GPR158: variants seen among roughly 807,000 people sequenced by gnomAD.
GPR158 encodes G protein-coupled receptor 158.
A neutral mutation model predicts 78.2 loss-of-function variants in GPR158; 30 were observed. The ratio of observed to expected loss-of-function variants is 0.38; its 90% confidence interval spans 0.29 to 0.52. The LOEUF (loss-of-function observed/expected upper bound fraction) is 0.52, where lower values mean the gene tolerates loss of function less well. GPR158 is among the 20% of genes least tolerant of loss of function. GPR158 has a pLI of 0.83. For synonymous variants in GPR158, 581 were observed against 591.1 expected (o/e 0.98, Z 0.25); for missense variants, 1,463 against 1,523.5 (o/e 0.96, Z 0.66).
Position 25,529,704 on chromosome 10 carries a change from G to T in GPR158, c.1405-21272G>T, listed in dbSNP as rs540346678. On this transcript the variant is annotated intron_variant, in intron 5 of 10. Transcript: ENST00000376351. ...ACTTAGATGTGAAGATTGAGATGGG[G>T]TTAAAGGAAACAGGAATACTATGCC... Among the ~76,000 whole-genome samples the T allele has an allele frequency of 3.9e-5, 6 of 152,310 alleles. No individual in the cohort carries two copies. The East Asian group carries it at 5.8e-4, about 15-fold the overall frequency.
intron 4 of GPR158, among the ~76,000 whole-genome samples, chr10:25,433,392 TTAAG>T (rs768602357): frequency 6.6e-6 from 1 of 152,138 alleles, no homozygotes; most frequent in Non-Finnish European, 1.5e-5. Context: ...ACTGAATAAA[TTAAG>T]TTCTTCCATA....
At chr10:25,285,233 C>T (rs1409698757) in intron 2 of GPR158, among the ~76,000 whole-genome samples, 2 of 151,896 alleles carry the variant, frequency 1.3e-5, no homozygotes, top group African/African-American at 4.9e-5. Flanking sequence ...AGATACATAT[C>T]TCTTTCCCCC....
chr10:25,404,915 G>C (rs12764320), intron 3 of GPR158, among the ~76,000 whole-genome samples: 14,726 of 151,948 alleles, frequency 0.097, 765 homozygotes, highest in East Asian at 0.17. Flanking sequence ...TGGCACAAAG[G>C]AAGTACACTG....
intron 2 of GPR158, among the ~76,000 whole-genome samples, chr10:25,233,282 A>T (rs1283393931): frequency 6.6e-6 from 1 of 152,218 alleles, no homozygotes; most frequent in African/African-American, 2.4e-5. Context: ...ATCTGTAATG[A>T]AGTGAAGCCA....
At chr10:25,279,932 G>A (rs1564409377) in intron 2 of GPR158, among the ~76,000 whole-genome samples, 1 of 149,676 alleles carries the variant, frequency 6.7e-6, no homozygotes, top group African/African-American at 2.5e-5. Flanking sequence ...TTAGACTTTT[G>A]TGCCTGGCAA....
At chr10:25,502,650 C>T (rs910392112) in intron 5 of GPR158, among the ~76,000 whole-genome samples, 3 of 152,134 alleles carry the variant, frequency 2.0e-5, no homozygotes, top group African/African-American at 7.2e-5. Flanking sequence ...CAGTGAGTTG[C>T]TAATTCCCAA....
chr10:25,375,467 T>TTA (rs367955397), intron 2 of GPR158, among the ~76,000 whole-genome samples: 99,738 of 151,060 alleles, frequency 0.66, 33,982 homozygotes, highest in Non-Finnish European at 0.75. Context: ...TGTTTTTCTC[T>TTA]TTTTTTTCTA....
intron 5 of GPR158, among the ~76,000 whole-genome samples, chr10:25,538,413 CAG>C (rs1409016881): frequency 2.0e-5 from 3 of 152,074 alleles, no homozygotes; most frequent in Non-Finnish European, 2.9e-5. Flanking sequence ...GGGTAATAAA[CAG>C]GGGACAAGTG....
At position 25,594,415 on chromosome 10, in the gene GPR158, C is replaced by T. The variant is rs766004669; in HGVS notation, c.1998+18C>T. 4 of 1,055,020 alleles carry T rather than the reference C, an allele frequency of 3.8e-6. No homozygotes were observed. The highest frequency in any genetic ancestry group is 1.6e-5 in the South Asian group (1 of 63,780). 65.4% of individuals were successfully genotyped at this position (1,055,020 alleles called of 1,614,324 possible). On this transcript the variant is annotated intron_variant, in intron 9 of 10. Coordinates refer to ENST00000376351, the MANE Select transcript of GPR158 (RefSeq NM_020752.3). ...TTCCAAAGGTATTCTTCTAATATTA[C>T]TTTTTTTTTTGCAAAACTTATTTTT... is the stretch of plus-strand genomic sequence containing the variant.
chr10:25,280,151 T>C (rs777434588), intron 2 of GPR158, among the ~76,000 whole-genome samples: 3 of 151,830 alleles, frequency 2.0e-5, no homozygotes, highest in Non-Finnish European at 4.4e-5. Context: ...ACGGTAAAAA[T>C]GAAGTTGCTT....
intron 1 of GPR158, among the ~76,000 whole-genome samples, chr10:25,193,952 T>G (rs1368554266): frequency 6.6e-6 from 1 of 152,194 alleles, no homozygotes; most frequent in Non-Finnish European, 1.5e-5. Context: ...TTCTTGCTCT[T>G]AGGCTTAAGC....
intron 4 of GPR158, among the ~76,000 whole-genome samples, chr10:25,426,953 T>C (rs1834832857): frequency 6.7e-6 from 1 of 148,634 alleles, no homozygotes; most frequent in Admixed American, 6.8e-5. Context: ...TGCAAAGTCC[T>C]CTAGATTATT....
At chr10:25,212,875 CCG>C (rs1229946287) in intron 1 of GPR158, among the ~76,000 whole-genome samples, 1 of 152,092 alleles carries the variant, frequency 6.6e-6, no homozygotes, top group Non-Finnish European at 1.5e-5. Context: ...TGTGATCCAC[CCG>C]CCTTGGCCTC....
intron 4 of GPR158, 67 bp from the exon 5 acceptor site, chr10:25,466,584 C>A: frequency 2.0e-6 from 2 of 997,524 alleles, no homozygotes; most frequent in South Asian, 1.4e-5. Flanking sequence ...GGCATTTTCA[C>A]AATAGCGTGA....
chr10:25,587,692 A>G (rs1837289414), intron 7 of GPR158, among the ~76,000 whole-genome samples: 1 of 152,204 alleles, frequency 6.6e-6, no homozygotes, highest in Non-Finnish European at 1.5e-5. Flanking sequence ...GACCTACACT[A>G]GATCTCATGG....
intron 5 of GPR158, among the ~76,000 whole-genome samples, chr10:25,543,130 T>A (rs10082450): frequency 0.54 from 81,947 of 151,500 alleles, 24,141 homozygotes; most frequent in African/African-American, 0.78. Context: ...ATTTTTATTT[T>A]TATTTTTTGA....
At chr10:25,416,513 G>C (rs969589106) in intron 4 of GPR158, among the ~76,000 whole-genome samples, 3 of 152,094 alleles carry the variant, frequency 2.0e-5, no homozygotes, top group African/African-American at 7.2e-5. Flanking sequence ...AAATGAGAAA[G>C]TTATGGAAAC....
chr10:25,188,344 T>C (rs565811803), intron 1 of GPR158, among the ~76,000 whole-genome samples: 93 of 152,170 alleles, frequency 6.1e-4, no homozygotes, highest in African/African-American at 2.2e-3. Context: ...TAAGCCAAAA[T>C]AGCAAAGCTG....
chr10:25,192,729 G>T (rs1852789411), intron 1 of GPR158, among the ~76,000 whole-genome samples: 1 of 151,158 alleles, frequency 6.6e-6, no homozygotes, highest in South Asian at 2.1e-4. Flanking sequence ...TCAAATTTTT[G>T]AGGGCGCACA....
Sources: gnomAD v4.1 joint callset for allele counts (sites outside exome capture counted in the v4.1 genomes callset) on GRCh38, gnomAD v4.1.1 for gene constraint, MANE v1.5 for transcripts, NCBI Gene and HGNC (gene_info 2026-07-23, HGNC 2026-07-21) for gene names.